Variants in ZMYM4 observed in about 807,000 individuals in gnomAD.
The protein encoded by ZMYM4 is zinc finger MYM-type protein 4.
Under a neutral mutation model 183.2 loss-of-function variants are expected in ZMYM4, and 31 were observed. That is an observed-to-expected ratio of 0.17 (90% confidence interval 0.13 to 0.23). The LOEUF (loss-of-function observed/expected upper bound fraction) is 0.23, where lower values mean the gene tolerates loss of function less well. Ranked by LOEUF, ZMYM4 falls within the 10% of genes least tolerant of loss-of-function variation. The pLI, the probability that ZMYM4 is intolerant of heterozygous loss-of-function variation, is 1.00. For missense variants in ZMYM4, 1,273 were observed against 1,840.3 expected (o/e 0.69, Z 5.64); for synonymous variants, 592 against 631.2 (o/e 0.94, Z 0.93).
At chr1:35,305,203 C>T (rs1419477988) in intron 1 of ZMYM4, among the ~76,000 whole-genome samples, 1 of 152,140 alleles carries the variant, frequency 6.6e-6, no homozygotes, top group Non-Finnish European at 1.5e-5. Context: ...CTATAAATAC[C>T]ACTTGGGTCA....
At chr1:35,364,718 C>T (rs1195521529) in intron 5 of ZMYM4, among the ~76,000 whole-genome samples, 2 of 152,130 alleles carry the variant, frequency 1.3e-5, no homozygotes, top group Admixed American at 6.5e-5. Flanking sequence ...AAAATCATAG[C>T]TTTAGTTTAT....
chr1:35,305,399 G>T, intron 1 of ZMYM4, among the ~76,000 whole-genome samples: 1 of 151,880 alleles, frequency 6.6e-6, no homozygotes, highest in East Asian at 1.9e-4. Context: ...ATGTCTTGTT[G>T]ATGATCATAT....
chr1:35,419,405 A>G lies in ZMYM4; in HGVS notation c.4440-65A>G, dbSNP rs1222787484. 24 of 1,545,400 alleles carry G rather than the reference A, an allele frequency of 1.6e-5. 1 individual carries two copies. The highest frequency in any genetic ancestry group is 2.4e-5 in the South Asian group (2 of 85,012). The stretch of plus-strand genomic sequence containing the variant: ...ACCTCAGTTTACTTAAGAATAGTAC[A>G]TATTTCCTATACTCTCTGATTTCTA... On this transcript the variant is annotated intron_variant, in intron 29 of 29. Coordinates refer to ENST00000314607, the MANE Select transcript of ZMYM4 (RefSeq NM_005095.3).
chr1:35,358,765 G>A, intron 2 of ZMYM4, 160 bp from the exon 3 acceptor site: 1 of 623,620 alleles, frequency 1.6e-6, no homozygotes, highest in Non-Finnish European at 2.6e-6. Context: ...GATAGGAATA[G>A]TTATATCTGT....
chr1:35,375,107 T>A (rs1644306772), intron 7 of ZMYM4, among the ~76,000 whole-genome samples: 3 of 152,166 alleles, frequency 2.0e-5, no homozygotes, highest in Admixed American at 2.0e-4. Context: ...TTTCAGGTAC[T>A]CCTTACTTAT....
In ZMYM4 at chr1:35,370,367, T is replaced by TA. The variant is rs1553175038; in HGVS notation, c.926-2dup. On this transcript the variant is annotated splice_region_variant and splice_polypyrimidine_tract_variant and intron_variant, in intron 6 of 29. Coordinates refer to ENST00000314607, the MANE Select transcript of ZMYM4 (RefSeq NM_005095.3). The stretch of plus-strand genomic sequence containing the variant: ...TTTTTTTTTTTTTTTTTTTTTTTTT[T>TA]AAAGCTCCACAGTTGACTACTGGCT... The TA allele has an allele frequency of 2.3e-6, 3 of 1,306,354 alleles. No homozygotes were observed. Among genetic ancestry groups the TA allele is most frequent in the Non-Finnish European group, 3.1e-6 (3 of 980,742 alleles). The allele number at this position is 1,306,354 out of a possible 1,614,324, so 80.9% of individuals were successfully genotyped here.
Position 35,283,976 on chromosome 1 carries a change from GT to G in ZMYM4, c.39+14902del, listed in dbSNP as rs1007023907. ...TGCACAAAAGTTTTTTTGTTTTTTTGTTTTTTTTTTTGAGACGGAGTCTCGC... is the reference window on the plus strand; with the variant it reads ...TGCACAAAAGTTTTTTTGTTTTTTTGTTTTTTTTTTGAGACGGAGTCTCGC... On this transcript the variant is annotated intron_variant, in intron 1 of 29. Coordinates refer to ENST00000314607, the MANE Select transcript of ZMYM4 (RefSeq NM_005095.3). 2.3e-3 allele frequency among the ~76,000 whole-genome samples: 323 copies of G among 142,582 alleles called. 3 individuals carry two copies. Among genetic ancestry groups the G allele is most frequent in the Middle Eastern group, 7.0e-3 (2 of 284 alleles). The allele number at this position is 142,582 out of a possible 152,430, so 93.5% of individuals were successfully genotyped here. A position where few individuals can be genotyped will look rare whatever the true frequency, so the allele number is the denominator to read the frequency against.
intron 1 of ZMYM4, among the ~76,000 whole-genome samples, chr1:35,308,026 A>G (rs1351368421): frequency 6.9e-6 from 1 of 145,448 alleles, no homozygotes; most frequent in Non-Finnish European, 1.5e-5. Context: ...TGGAATCTCG[A>G]TATCACCCAG....
intron 2 of ZMYM4, among the ~76,000 whole-genome samples, chr1:35,338,165 T>A (rs1166467355): frequency 6.6e-6 from 1 of 152,152 alleles, no homozygotes; most frequent in Non-Finnish European, 1.5e-5. Flanking sequence ...GCAGGCATAG[T>A]TTACCTACCC....
intron 1 of ZMYM4, among the ~76,000 whole-genome samples, chr1:35,297,232 G>A (rs1641061794): frequency 6.6e-6 from 1 of 151,940 alleles, no homozygotes; most frequent in Non-Finnish European, 1.5e-5. Context: ...TAAACTTGGC[G>A]AGACTGAATT....
intron 25 of ZMYM4, 24 bp from the exon 26 acceptor site, chr1:35,407,984 C>G: frequency 3.1e-6 from 5 of 1,613,578 alleles, no homozygotes; most frequent in Non-Finnish European, 4.2e-6. Context: ...GTTAATGTTT[C>G]AGATGTTTTC....
intron 1 of ZMYM4, among the ~76,000 whole-genome samples, chr1:35,324,147 T>C (rs1314380729): frequency 1.3e-5 from 2 of 152,188 alleles, no homozygotes; most frequent in Non-Finnish European, 2.9e-5. Flanking sequence ...TATTTATATC[T>C]TCAGTTCAGG....
intron 1 of ZMYM4, among the ~76,000 whole-genome samples, chr1:35,311,222 C>T (rs1425171353): frequency 6.6e-6 from 1 of 151,904 alleles, no homozygotes; most frequent in Non-Finnish European, 1.5e-5. Flanking sequence ...GAGTTTGAAA[C>T]CAGCCTGGAC....
chr1:35,373,850 T>G (rs1158768200), intron 7 of ZMYM4, among the ~76,000 whole-genome samples: 1 of 151,920 alleles, frequency 6.6e-6, no homozygotes, highest in Non-Finnish European at 1.5e-5. Flanking sequence ...TGATCCTAAC[T>G]TCTAAAAAAG....
chr1:35,297,387 A>G (rs199511994), intron 1 of ZMYM4, among the ~76,000 whole-genome samples: 1 of 151,380 alleles, frequency 6.6e-6, no homozygotes, highest in Non-Finnish European at 1.5e-5. Flanking sequence ...AGATGGGAGG[A>G]TGGTTTGAGC....
intron 2 of ZMYM4, among the ~76,000 whole-genome samples, chr1:35,344,695 ATTTG>A (rs1643330980): frequency 6.6e-6 from 1 of 152,062 alleles, no homozygotes; most frequent in Non-Finnish European, 1.5e-5. Context: ...ATGATATATT[ATTTG>A]TTTTATATGT....
intron 1 of ZMYM4, among the ~76,000 whole-genome samples, chr1:35,274,771 C>T (rs1639789324): frequency 6.6e-6 from 1 of 151,906 alleles, no homozygotes; most frequent in Non-Finnish European, 1.5e-5. Context: ...AGTCATTTTT[C>T]TAAGTATTTT....
chr1:35,361,534 C>A, intron 4 of ZMYM4, 85 bp from the exon 5 acceptor site: 1 of 1,447,348 alleles, frequency 6.9e-7, no homozygotes, highest in South Asian at 1.3e-5. Context: ...TCTTCATTTC[C>A]AATGAGCTTT....
chr1:35,370,138 G>A (rs557636176), intron 6 of ZMYM4, 25 bp downstream of exon 6: 29 of 1,606,946 alleles, frequency 1.8e-5, no homozygotes, highest in Non-Finnish European at 2.4e-5. Context: ...TGAATAAATG[G>A]ATTGTGTATG....
Sources: gnomAD v4.1 joint callset for allele counts (sites outside exome capture counted in the v4.1 genomes callset) on GRCh38, gnomAD v4.1.1 for gene constraint, MANE v1.5 for transcripts, NCBI Gene and HGNC (gene_info 2026-07-23, HGNC 2026-07-21) for gene names.